The following GEMIN8 variants were observed in gnomAD, a reference collection of about 807,000 sequenced individuals.
The protein encoded by GEMIN8 is gem nuclear organelle associated protein 8.
For synonymous variants in GEMIN8, 80 were observed against 78.5 expected (o/e 1.02, Z -0.10); for missense variants, 185 against 205.9 (o/e 0.90, Z 0.62).
chrX:13,988,675 A>G, the GEMIN8 span: 1 of 103,523 alleles, frequency 9.7e-6, no homozygotes, highest in Admixed American at 1.1e-4. Context: ...ATAAGTCAAC[A>G]GATTGAACAC....
At chrX:14,014,973 C>G (rs979024328) in intron 4 of GEMIN8, among the ~76,000 whole-genome samples, 2 of 111,880 alleles carry the variant, frequency 1.8e-5, no homozygotes, top group East Asian at 5.6e-4. Context: ...GGCTCTACCC[C>G]TCATGTGCAT....
chrX:14,016,386 A>G (rs1215995430), intron 4 of GEMIN8, among the ~76,000 whole-genome samples: 1 of 112,299 alleles, frequency 8.9e-6, no homozygotes, highest in Non-Finnish European at 1.9e-5. Context: ...AAGCAAGAAT[A>G]TCCTTGAAAC....
chrX:14,017,076 C>CATGA lies in GEMIN8; in HGVS notation c.472+3001_472+3002insTCAT, dbSNP rs1220876797. Among the ~76,000 whole-genome samples the CATGA allele has an allele frequency of 4.8e-3, 519 of 108,827 alleles. 5 individuals carry two copies. Among genetic ancestry groups the CATGA allele is most frequent in the Admixed American group, 6.9e-3 (69 of 10,004 alleles). The allele number at this position is 108,827 out of a possible 115,157, so 94.5% of individuals were successfully genotyped here. A position where few individuals can be genotyped will look rare whatever the true frequency, so the allele number is the denominator to read the frequency against. On this transcript the variant is annotated intron_variant, in intron 4 of 4. Transcript: ENST00000680255. ...TTCTCATATTATCTCATGGATTCTT[C>CATGA]ACAATTACTACCCATTAGGGATTCT...
intron 4 of GEMIN8, among the ~76,000 whole-genome samples, chrX:14,009,943 G>T (rs12839211): frequency 8.9e-6 from 1 of 112,074 alleles, no homozygotes; most frequent in Non-Finnish European, 1.9e-5. Flanking sequence ...CCACAGATTC[G>T]AAATGCAAAT....
At chrX:14,028,877 T>C (rs1007660896) in intron 1 of GEMIN8, among the ~76,000 whole-genome samples, 3 of 112,097 alleles carry the variant, frequency 2.7e-5, no homozygotes, top group Non-Finnish European at 5.6e-5. Flanking sequence ...AAATAGTATT[T>C]TTAAAGGGTA....
In GEMIN8 at chrX:14,021,468, A is replaced by G; in HGVS notation, c.11T>C (p.Val4Ala). 9.0e-7 allele frequency: 1 copy of G among 1,115,607 alleles called. No homozygotes were observed. Among genetic ancestry groups the G allele is most frequent in the Non-Finnish European group, 1.2e-6 (1 of 810,316 alleles). 91.9% of individuals were successfully genotyped at this position (1,115,607 alleles called of 1,213,427 possible). Residue 4 changes from valine to alanine, a missense_variant, in exon 3 of 5, where the codon GTA becomes GCA. By Grantham distance (64) the Val-to-Ala change is moderately conservative (BLOSUM62 0). Coordinates refer to ENST00000680255, the MANE Select transcript of GEMIN8 (RefSeq NM_001042479.2). MAAVKASTSKATRP... is the reference protein window; with the variant it reads MAAAKASTSKATRP... ...ATAAAAAAATAAAAATCTTACCTTT[A>G]CCGCTGCCATCTCTGATTGTGAAAG... is the stretch of plus-strand genomic sequence containing the variant.
intron 2 of GEMIN8, among the ~76,000 whole-genome samples, chrX:14,024,241 A>G (rs993429253): frequency 4.5e-5 from 5 of 112,285 alleles, no homozygotes; most frequent in African/African-American, 1.6e-4. Flanking sequence ...GCTCACGCCT[A>G]TAATCCCAGC....
the GEMIN8 span, among the ~76,000 whole-genome samples, chrX:14,001,045 A>G: frequency 4.5e-5 from 5 of 112,239 alleles, no homozygotes; most frequent in Admixed American, 4.7e-4. Flanking sequence ...AACATTTAGT[A>G]CTGTAAAGCT....
intron 2 of GEMIN8, among the ~76,000 whole-genome samples, chrX:14,021,814 G>GTATATATA (rs147147045): frequency 2.2e-3 from 176 of 78,231 alleles, no homozygotes; most frequent in African/African-American, 3.2e-3. Flanking sequence ...TAATGTGTGT[G>GTATATATA]TATATATATA....
Position 14,008,622 on chromosome X carries a change from C to G in GEMIN8, c.*291G>C, listed in dbSNP as rs934066812. The G allele has an allele frequency of 9.9e-5, 31 of 314,117 alleles. No individual in the cohort carries two copies. The highest frequency in any genetic ancestry group is 1.6e-4 in the Non-Finnish European group (29 of 182,443). The allele number at this position is 314,117 out of a possible 1,213,427, so 25.9% of individuals were successfully genotyped here. On this transcript the variant is annotated 3_prime_UTR_variant, in exon 5 of 5. Coordinates refer to ENST00000680255, the MANE Select transcript of GEMIN8 (RefSeq NM_001042479.2). Reference sequence around the variant, plus strand: ...CAAAACACCAGGCAGTATCTCTAGGCAAGAACGTTAATGAATTGAACTGTT... The same window carrying G: ...CAAAACACCAGGCAGTATCTCTAGGGAAGAACGTTAATGAATTGAACTGTT...
the GEMIN8 span, among the ~76,000 whole-genome samples, chrX:13,989,783 G>T: frequency 3.6e-5 from 4 of 112,599 alleles, no homozygotes; most frequent in Non-Finnish European, 7.5e-5. Flanking sequence ...GAACAGAAAG[G>T]GTTAAGGTTT....
the GEMIN8 span, among the ~76,000 whole-genome samples, chrX:14,001,502 G>A: frequency 2.7e-5 from 3 of 110,873 alleles, no homozygotes; most frequent in Non-Finnish European, 3.8e-5. Context: ...CCTCGCCCTC[G>A]CCATCACTCT....
Position 14,014,932 on chromosome X carries a change from C to T in GEMIN8, c.472+5146G>A, listed in dbSNP as rs58633904. ...ACCTTACTTCTTGACAGCTGCCCCG[C>T]GGTGCTCCTCCTTTGACTGCCTGGG... On this transcript the variant is annotated intron_variant, in intron 4 of 4. Coordinates refer to ENST00000680255, the MANE Select transcript of GEMIN8 (RefSeq NM_001042479.2). Among the ~76,000 whole-genome samples, 649 of 111,687 alleles carry T rather than the reference C, an allele frequency of 5.8e-3. 10 individuals are homozygous for T. In the East Asian group the frequency reaches 0.097, roughly 17 times the overall value.
chrX:14,027,105 A>G (rs942443558), intron 1 of GEMIN8: 5 of 112,913 alleles, frequency 4.4e-5, no homozygotes, highest in Admixed American at 2.8e-4. Context: ...GTTCCAAGGA[A>G]TCTCTCTGTA....
At chrX:14,009,362 G>A (rs1603185318) in intron 4 of GEMIN8, among the ~76,000 whole-genome samples, 193 bp from the exon 5 acceptor site, 1 of 111,518 alleles carries the variant, frequency 9.0e-6, no homozygotes, top group South Asian at 3.8e-4. Flanking sequence ...GGCAAGACCT[G>A]CAGATTATTA....
intron 4 of GEMIN8, chrX:14,013,841 TG>T: frequency 3.9e-6 from 1 of 255,468 alleles, no homozygotes; most frequent in Non-Finnish European, 5.4e-6. Flanking sequence ...ACAGCAGCCC[TG>T]GGAGGCTAAT....
Position 14,007,537 on chromosome X carries a change from T to C in GEMIN8, c.*1376A>G, listed in dbSNP as rs1923226527. On this transcript the variant is annotated 3_prime_UTR_variant, in exon 5 of 5. Transcript: ENST00000680255. ...CAGCAGTGACCAGGTTTGGGAATTATTGTTCTTTTTTTTTTTTCTTTTGAG... is the reference window on the plus strand; with the variant it reads ...CAGCAGTGACCAGGTTTGGGAATTACTGTTCTTTTTTTTTTTTCTTTTGAG... 9.0e-6 allele frequency among the ~76,000 whole-genome samples: 1 copy of C among 111,124 alleles called. No homozygotes were observed. The highest frequency in any genetic ancestry group is 2.8e-4 in the East Asian group (1 of 3,578).
chrX:14,003,280 A>C (rs1923034497), downstream of GEMIN8, among the ~76,000 whole-genome samples: 1 of 112,528 alleles, frequency 8.9e-6, no homozygotes, highest in South Asian at 3.7e-4. Context: ...ACCAGATTTC[A>C]GCATGCTGGA....
intron 4 of GEMIN8, among the ~76,000 whole-genome samples, chrX:14,015,893 T>C (rs984056739): frequency 8.9e-6 from 1 of 112,063 alleles, no homozygotes; most frequent in South Asian, 3.7e-4. Flanking sequence ...TGTATGTAAC[T>C]AACCCTCCAT....
Sources: allele counts gnomAD v4.1 joint callset (sites outside exome capture counted in the v4.1 genomes callset), GRCh38; gene constraint gnomAD v4.1.1; transcripts MANE v1.5; gene names NCBI Gene and HGNC (gene_info 2026-07-23, HGNC 2026-07-21).